DMD: variants seen among roughly 807,000 people sequenced by gnomAD.
DMD encodes dystrophin.
Under a neutral mutation model 330.1 loss-of-function variants are expected in DMD, and 63 were observed. That is an observed-to-expected ratio of 0.19 (90% CI 0.16 to 0.24). The LOEUF (loss-of-function observed/expected upper bound fraction) is 0.24, where lower values mean the gene tolerates loss of function less well. DMD is among the 10% of genes least tolerant of loss of function. The pLI, the probability that DMD is intolerant of heterozygous loss-of-function variation, is 1.00. For synonymous variants in DMD, 1,223 were observed against 959.8 expected (o/e 1.27, Z -5.07); for missense variants, 3,344 against 2,684.1 (o/e 1.25, Z -5.43).
At chrX:33,258,336 A>G (rs1165979649) in intron 1 of DMD, among the ~76,000 whole-genome samples, 1 of 111,083 alleles carries the variant, frequency 9.0e-6, no homozygotes, top group Non-Finnish European at 1.9e-5. Flanking sequence ...TCCGGTTTGG[A>G]AACATAGTGT....
chrX:32,882,014 G>A (rs1263609555), intron 2 of DMD, among the ~76,000 whole-genome samples: 3 of 112,134 alleles, frequency 2.7e-5, no homozygotes, highest in African/African-American at 9.7e-5. Flanking sequence ...CTTCATGCCT[G>A]CAGCAGCACT....
At chrX:32,614,545 G>C in intron 11 of DMD, 92 bp from the exon 12 acceptor site, 2 of 814,159 alleles carry the variant, frequency 2.5e-6, no homozygotes, top group East Asian at 6.9e-5. Flanking sequence ...ATAATATATG[G>C]AATGTTCGCA....
At chrX:32,054,509 C>A (rs2096150390) in intron 44 of DMD, among the ~76,000 whole-genome samples, 1 of 109,435 alleles carries the variant, frequency 9.1e-6, no homozygotes, top group African/African-American at 3.3e-5. Context: ...CATGTCCCTA[C>A]AAAGTATTTT....
intron 47 of DMD, among the ~76,000 whole-genome samples, chrX:31,925,561 C>T (rs1227835601): frequency 2.7e-5 from 3 of 111,091 alleles, no homozygotes; most frequent in Admixed American, 1.9e-4. Context: ...AAAAGAGTGG[C>T]AAATATGCAA....
At chrX:31,249,639 A>C (rs1603218172) in intron 63 of DMD, among the ~76,000 whole-genome samples, 1 of 111,349 alleles carries the variant, frequency 9.0e-6, no homozygotes, top group South Asian at 3.8e-4. Flanking sequence ...AGTTAGGATA[A>C]ATTGTGATCA....
chrX:31,162,356 T>TAAAAAAAAAAAAAAAAAAAAAAAAAA (rs57908991), intron 74 of DMD, among the ~76,000 whole-genome samples: 11 of 50,619 alleles, frequency 2.2e-4, no homozygotes, highest in African/African-American at 6.6e-4. Flanking sequence ...ATGAAAAATC[T>TAAAAAAAAAAAAAAAAAAAAAAAAAA]AAAAAAAAAA....
intron 44 of DMD, among the ~76,000 whole-genome samples, chrX:32,160,303 G>A (rs1335668885): frequency 6.4e-5 from 7 of 108,586 alleles, no homozygotes; most frequent in African/African-American, 1.3e-4. Flanking sequence ...GCATGATCCC[G>A]GCTCACTGCA....
chrX:32,462,967 AAAAT>A (rs1047041682), intron 25 of DMD, among the ~76,000 whole-genome samples: 1 of 111,506 alleles, frequency 9.0e-6, no homozygotes, highest in South Asian at 3.8e-4. Flanking sequence ...CCCAAAAAAT[AAAAT>A]AAATAAATAA....
chrX:32,578,531 A>T (rs1265507598), intron 13 of DMD, among the ~76,000 whole-genome samples: 2 of 111,983 alleles, frequency 1.8e-5, no homozygotes, highest in Non-Finnish European at 3.8e-5. Flanking sequence ...ATATTGTTGT[A>T]CGTGCCAAGG....
intron 2 of DMD, among the ~76,000 whole-genome samples, chrX:32,991,625 C>G: frequency 9.0e-6 from 1 of 111,066 alleles, no homozygotes; most frequent in Non-Finnish European, 1.9e-5. Context: ...AATTTAATTA[C>G]TAATACATGT....
chrX:32,233,567 C>A (rs534016894), intron 43 of DMD, among the ~76,000 whole-genome samples: 11 of 110,324 alleles, frequency 1.0e-4, no homozygotes, highest in African/African-American at 3.6e-4. Flanking sequence ...ATAGAGCATT[C>A]CCAATCCACT....
At chrX:31,599,700 T>G (rs2077260440) in intron 55 of DMD, among the ~76,000 whole-genome samples, 4 of 111,921 alleles carry the variant, frequency 3.6e-5, no homozygotes, top group African/African-American at 6.5e-5. Context: ...TCAAGAAGCT[T>G]AAAGTTTAGT....
chrX:33,302,339 A>G (rs73461908), intron 1 of DMD, among the ~76,000 whole-genome samples: 2,818 of 111,654 alleles, frequency 0.025, 79 homozygotes, highest in African/African-American at 0.086. Context: ...TTCAAAAACC[A>G]TTAGACTGAT....
chrX:33,038,549 C>A (rs1239173812), intron 1 of DMD, among the ~76,000 whole-genome samples: 1 of 111,994 alleles, frequency 8.9e-6, no homozygotes, highest in African/African-American at 3.2e-5. Flanking sequence ...CACCTTGACT[C>A]CCAGCTCAAC....
At position 31,558,782 on chromosome X, in the gene DMD, C is replaced by G. The variant is rs755863290; in HGVS notation, c.8218-51329G>C. Among the ~76,000 whole-genome samples the G allele has an allele frequency of 2.8e-4, 31 of 110,612 alleles. No homozygotes were observed. In the South Asian group the frequency reaches 0.01, roughly 37 times the overall value. Reference sequence around the variant, plus strand: ...TTGTTGCTTCTTGAATTCTTTTCTTCTTTTTTCCCCTACAATTGCATCTCC... The same window carrying G: ...TTGTTGCTTCTTGAATTCTTTTCTTGTTTTTTCCCCTACAATTGCATCTCC... On this transcript the variant is annotated intron_variant, in intron 55 of 78. Coordinates refer to ENST00000357033, the MANE Select transcript of DMD (RefSeq NM_004006.3).
At chrX:33,092,449 T>C (rs898192431) in intron 1 of DMD, among the ~76,000 whole-genome samples, 1 of 111,791 alleles carries the variant, frequency 8.9e-6, no homozygotes, top group Non-Finnish European at 1.9e-5. Context: ...AAGTCATAAG[T>C]GAACATTTTC....
At chrX:31,688,818 C>T (rs535952937) in intron 52 of DMD, among the ~76,000 whole-genome samples, 84 of 111,393 alleles carry the variant, frequency 7.5e-4, no homozygotes, top group Admixed American at 3.7e-3. Context: ...GTTCAACATA[C>T]GCAAATCAAT....
At chrX:32,073,960 C>A (rs1159559172) in intron 44 of DMD, among the ~76,000 whole-genome samples, 2 of 110,834 alleles carry the variant, frequency 1.8e-5, no homozygotes, top group Non-Finnish European at 3.8e-5. Flanking sequence ...CGATTATATT[C>A]CATAAAAATA....
At chrX:32,357,660 T>C (rs760131035) in intron 37 of DMD, among the ~76,000 whole-genome samples, 4 of 94,866 alleles carry the variant, frequency 4.2e-5, no homozygotes, top group African/African-American at 1.2e-4. Context: ...CATACACAGA[T>C]ACACACACAC....
Sources: gnomAD v4.1 joint callset for allele counts (sites outside exome capture counted in the v4.1 genomes callset) on GRCh38, gnomAD v4.1.1 for gene constraint, MANE v1.5 for transcripts, NCBI Gene and HGNC (gene_info 2026-07-23, HGNC 2026-07-21) for gene names.